Variants in SESN2 observed in about 807,000 individuals in gnomAD.
SESN2 encodes sestrin 2.
In SESN2, 42 loss-of-function variants were observed where a neutral mutation model predicts 56.0. The ratio of observed to expected loss-of-function variants is 0.75; its 90% confidence interval spans 0.59 to 0.97. SESN2 has a LOEUF of 0.97. Ranked by LOEUF, SESN2 falls within the 50% of genes least tolerant of loss-of-function variation. The probability of loss-of-function intolerance (pLI) is 0.00; values close to 1 mark genes in which losing one functional copy is unlikely to be tolerated. For synonymous variants in SESN2, 264 were observed against 267.1 expected (o/e 0.99, Z 0.11); for missense variants, 507 against 649.4 (o/e 0.78, Z 2.38).
intron 1 of SESN2, among the ~76,000 whole-genome samples, chr1:28,260,550 C>T (rs1467234688): frequency 6.6e-6 from 1 of 152,166 alleles, no homozygotes; most frequent in Non-Finnish European, 1.5e-5. Flanking sequence ...TACGCGGCGG[C>T]GGCAGCCAAA....
intron 1 of SESN2, among the ~76,000 whole-genome samples, chr1:28,260,982 G>T (rs1238052978): frequency 2.0e-5 from 3 of 152,174 alleles, no homozygotes; most frequent in African/African-American, 7.2e-5. Flanking sequence ...GGCTCAGAAA[G>T]AGGCTTTCTT....
Position 28,272,367 on chromosome 1 carries a change from G to T in SESN2, c.438G>T (p.Leu146=), listed in dbSNP as rs768068831. ...FLQTGGDPEW[L]LGLHRAPEKL... ...AGACTGGTGGTGACCCTGAGTGGCT[G>T]CTGGGCCTCCACCGGGCCCCCGAGA... Residue 146 remains leucine, a synonymous_variant, in exon 4 of 10, where the codon CTG becomes CTT. Coordinates refer to ENST00000253063, the MANE Select transcript of SESN2 (RefSeq NM_031459.5). 1.1e-5 allele frequency: 17 copies of T among 1,613,946 alleles called. No individual in the cohort carries two copies. The highest frequency in any genetic ancestry group is 1.4e-5 in the Non-Finnish European group (17 of 1,180,026).
intron 1 of SESN2, among the ~76,000 whole-genome samples, chr1:28,266,000 GT>G (rs1647549124): frequency 1.3e-5 from 2 of 152,156 alleles, no homozygotes; most frequent in South Asian, 4.1e-4. Flanking sequence ...TTGAAATCCT[GT>G]TTATCAGATT....
At chr1:28,268,579 C>T (rs1189890121) in intron 1 of SESN2, among the ~76,000 whole-genome samples, 2 of 151,662 alleles carry the variant, frequency 1.3e-5, no homozygotes, top group Non-Finnish European at 2.9e-5. Context: ...GCAGGAGAAT[C>T]GCTTGAACCC....
intron 2 of SESN2, among the ~76,000 whole-genome samples, chr1:28,270,095 T>A (rs1360652092): frequency 3.9e-5 from 6 of 152,240 alleles, no homozygotes; most frequent in Non-Finnish European, 7.3e-5. Flanking sequence ...CTCACGCCTG[T>A]AATCCCAACA....
At chr1:28,262,232 C>T (rs550122018) in intron 1 of SESN2, among the ~76,000 whole-genome samples, 47 of 152,246 alleles carry the variant, frequency 3.1e-4, no homozygotes, top group African/African-American at 1.1e-3. Flanking sequence ...GTGCAGCTCC[C>T]TTAACTCCCT....
intron 2 of SESN2, among the ~76,000 whole-genome samples, chr1:28,271,363 A>G (rs1011307660): frequency 2.6e-5 from 4 of 152,198 alleles, no homozygotes; most frequent in African/African-American, 9.7e-5. Flanking sequence ...GATTTTTCCT[A>G]CCTAAAAGTG....
Position 28,273,553 on chromosome 1 carries a change from A to C in SESN2, c.901+45A>C, listed in dbSNP as rs747914017. ...CAGGCTCCCGTGGCTGCTCCTTCTTAGGCTATCTCTGGTGAGGAGGAGCCA... is the reference window on the plus strand; with the variant it reads ...CAGGCTCCCGTGGCTGCTCCTTCTTCGGCTATCTCTGGTGAGGAGGAGCCA... On this transcript the variant is annotated intron_variant, in intron 6 of 9. Coordinates refer to ENST00000253063, the MANE Select transcript of SESN2 (RefSeq NM_031459.5). 3 of 1,489,288 alleles carry C rather than the reference A, an allele frequency of 2.0e-6. No homozygotes were observed. In the Admixed American group the frequency reaches 7.3e-5, roughly 36 times the overall value. 92.3% of individuals were successfully genotyped at this position (1,489,288 alleles called of 1,614,324 possible). A position where few individuals can be genotyped will look rare whatever the true frequency, so the allele number is the denominator to read the frequency against.
In SESN2 at chr1:28,279,111, A is replaced by C. The variant is rs1238893312; in HGVS notation, c.1226A>C (p.Asp409Ala). 1 of 1,614,160 alleles carries C rather than the reference A, an allele frequency of 6.2e-7. No homozygotes were observed. The highest frequency in any genetic ancestry group is 2.2e-5 in the East Asian group (1 of 44,890). Residue 409 changes from aspartate to alanine, a missense_variant, in exon 9 of 10, where the codon GAT becomes GCT. By Grantham distance (126) the Asp-to-Ala change is moderately radical. Transcript: ENST00000253063. ...TTTCCATCCAGATATGATGACTATG[A>C]TTATGGGGAGGTGAACCAGCTCCTG... ...CVFGIRYDDY[D>A]YGEVNQLLER...
At chr1:28,275,296 T>TATAC (rs1036901560) in intron 8 of SESN2, among the ~76,000 whole-genome samples, 39 of 149,670 alleles carry the variant, frequency 2.6e-4, no homozygotes, top group African/African-American at 8.8e-4. Flanking sequence ...TATACATGCA[T>TATAC]ACACACACAC....
chr1:28,263,389 C>T (rs1372498532), intron 1 of SESN2, among the ~76,000 whole-genome samples: 1 of 152,218 alleles, frequency 6.6e-6, no homozygotes, highest in Non-Finnish European at 1.5e-5. Context: ...CACACCCCCT[C>T]CACCCTGCCC....
chr1:28,262,246 A>G (rs1473165920), intron 1 of SESN2, among the ~76,000 whole-genome samples: 3 of 152,084 alleles, frequency 2.0e-5, no homozygotes, highest in South Asian at 2.1e-4. Context: ...ACTCCCTGTC[A>G]CTTCACCACA....
At chr1:28,277,756 C>G (rs1483435706) in intron 8 of SESN2, among the ~76,000 whole-genome samples, 1 of 152,176 alleles carries the variant, frequency 6.6e-6, no homozygotes, top group African/African-American at 2.4e-5. Context: ...GTTTGTGTTT[C>G]TGTGTATTAC....
At chr1:28,266,556 CTTT>C (rs71586835) in intron 1 of SESN2, among the ~76,000 whole-genome samples, 6 of 116,984 alleles carry the variant, frequency 5.1e-5, no homozygotes, top group Admixed American at 1.9e-4. Context: ...AGAGCCCCAT[CTTT>C]TTTTTTTTTT....
At chr1:28,280,035 A>C (rs1442776998) in intron 9 of SESN2, among the ~76,000 whole-genome samples, 1 of 151,768 alleles carries the variant, frequency 6.6e-6, no homozygotes, top group Admixed American at 6.6e-5. Context: ...ATAAGGTCTC[A>C]CTGTGTTGTC....
chr1:28,265,010 G>A (rs1480396562), intron 1 of SESN2, among the ~76,000 whole-genome samples: 1 of 152,220 alleles, frequency 6.6e-6, no homozygotes, highest in Non-Finnish European at 1.5e-5. Flanking sequence ...TCCCAGCCCT[G>A]CTACTGCCTT....
intron 8 of SESN2, among the ~76,000 whole-genome samples, chr1:28,277,778 C>A (rs1648102743): frequency 6.6e-6 from 1 of 152,148 alleles, no homozygotes; most frequent in Non-Finnish European, 1.5e-5. Context: ...AGCTGTAAAT[C>A]ATATTTCACT....
Position 28,280,934 on chromosome 1 carries a change from C to T in SESN2, c.*132C>T, listed in dbSNP as rs1181555670. The T allele has an allele frequency of 9.0e-6, 6 of 664,470 alleles. No homozygotes were observed. Among genetic ancestry groups the T allele is most frequent in the Admixed American group, 2.3e-5 (1 of 44,296 alleles). 41.2% of individuals were successfully genotyped at this position (664,470 alleles called of 1,614,324 possible). ...TGGGCTTGTGTGTGATGTGCAGTCC[C>T]GAAGCCACACCCTCCCTTTTCCTCA... On this transcript the variant is annotated 3_prime_UTR_variant, in exon 10 of 10. Coordinates refer to ENST00000253063, the MANE Select transcript of SESN2 (RefSeq NM_031459.5).
At chr1:28,268,909 T>C (rs926193182) in intron 1 of SESN2, among the ~76,000 whole-genome samples, 4 of 152,200 alleles carry the variant, frequency 2.6e-5, no homozygotes, top group African/African-American at 9.7e-5. Context: ...GATGGCTATA[T>C]AGTTCCTTTT....
Sources: allele counts gnomAD v4.1 joint callset (sites outside exome capture counted in the v4.1 genomes callset), GRCh38; gene constraint gnomAD v4.1.1; transcripts MANE v1.5; gene names NCBI Gene and HGNC (gene_info 2026-07-23, HGNC 2026-07-21).